The following MTUS2 variants were observed in gnomAD, a reference collection of about 807,000 sequenced individuals.
MTUS2 encodes microtubule-associated tumor suppressor candidate 2.
A neutral mutation model predicts 114.1 loss-of-function variants in MTUS2; 40 were observed. The ratio of observed to expected loss-of-function variants is 0.35; its 90% CI spans 0.27 to 0.46. MTUS2 has a LOEUF of 0.46. Ranked by LOEUF, MTUS2 falls within the 20% of genes least tolerant of loss-of-function variation. The pLI is 1.00. For synonymous variants in MTUS2, 688 were observed against 672.0 expected (o/e 1.02, Z -0.37); for missense variants, 1,679 against 1,705.4 (o/e 0.98, Z 0.27).
intron 8 of MTUS2, among the ~76,000 whole-genome samples, chr13:29,409,674 C>G (rs2138539152): frequency 6.6e-6 from 1 of 152,280 alleles, no homozygotes; most frequent in South Asian, 2.1e-4. Flanking sequence ...TTTCCTTATG[C>G]TCTTTCTTAC....
intron 8 of MTUS2, among the ~76,000 whole-genome samples, chr13:29,401,029 C>G (rs1435941923): frequency 6.6e-6 from 1 of 152,108 alleles, no homozygotes; most frequent in South Asian, 2.1e-4. Context: ...GCTCTGTCAC[C>G]CAGGCTGGAG....
intron 5 of MTUS2, among the ~76,000 whole-genome samples, chr13:29,222,457 G>A (rs568976615): frequency 7.4e-4 from 113 of 152,218 alleles, no homozygotes; most frequent in African/African-American, 2.5e-3. Flanking sequence ...ATTATTCTTC[G>A]AGTTAATAGA....
chr13:29,464,029 G>T (rs530678869), intron 9 of MTUS2, among the ~76,000 whole-genome samples: 1 of 152,158 alleles, frequency 6.6e-6, no homozygotes, highest in Non-Finnish European at 1.5e-5. Context: ...AACGATAGAT[G>T]TTGGCTGGTG....
chr13:28,910,047 T>G (rs960008130), intron 2 of MTUS2, among the ~76,000 whole-genome samples: 6 of 152,192 alleles, frequency 3.9e-5, no homozygotes, highest in African/African-American at 1.4e-4. Context: ...CCAGTTATAC[T>G]CTTTTATTTT....
chr13:29,491,762 ATG>A (rs1308042060), intron 11 of MTUS2, among the ~76,000 whole-genome samples: 6 of 114,940 alleles, frequency 5.2e-5, no homozygotes, highest in Non-Finnish European at 1.1e-4. Flanking sequence ...TGCGTGTGGT[ATG>A]TGTGTGATGT....
intron 2 of MTUS2, among the ~76,000 whole-genome samples, chr13:28,921,790 T>C (rs1329944763): frequency 6.6e-6 from 1 of 152,162 alleles, no homozygotes; most frequent in Non-Finnish European, 1.5e-5. Flanking sequence ...CCAGCATGTC[T>C]TTGCTCTCCA....
intron 2 of MTUS2, among the ~76,000 whole-genome samples, chr13:28,847,864 G>A (rs181811794): frequency 4.6e-5 from 7 of 152,244 alleles, no homozygotes; most frequent in African/African-American, 1.7e-4. Flanking sequence ...CCAACGTTAT[G>A]CAAAGCTCAG....
chr13:28,950,582 C>T (rs992776740), intron 2 of MTUS2, among the ~76,000 whole-genome samples: 3 of 152,058 alleles, frequency 2.0e-5, no homozygotes, highest in Admixed American at 1.3e-4. Flanking sequence ...GGTCTAATTT[C>T]GATATTGTTA....
At chr13:29,123,836 A>G (rs1891409581) in intron 5 of MTUS2, among the ~76,000 whole-genome samples, 1 of 152,220 alleles carries the variant, frequency 6.6e-6, no homozygotes, top group Non-Finnish European at 1.5e-5. Flanking sequence ...TTCTCAGAAC[A>G]TGGTGGTAGT....
intron 5 of MTUS2, among the ~76,000 whole-genome samples, chr13:29,198,534 A>T (rs1053669977): frequency 6.6e-6 from 1 of 151,998 alleles, no homozygotes; most frequent in Non-Finnish European, 1.5e-5. Flanking sequence ...TTTGCTTAGG[A>T]TTGTCTTGGC....
intron 2 of MTUS2, among the ~76,000 whole-genome samples, chr13:29,012,091 G>T (rs530789424): frequency 6.6e-6 from 1 of 152,158 alleles, no homozygotes; most frequent in East Asian, 1.9e-4. Flanking sequence ...GAGGTTTATA[G>T]CCTGCAGTCC....
chr13:29,498,610 TGGTGTTCAGCCA>T, intron 14 of MTUS2, 73 bp downstream of exon 14: 2 of 1,592,954 alleles, frequency 1.3e-6, no homozygotes, highest in Non-Finnish European at 1.7e-6. Context: ...TCATCGTTGA[TGGTGTTCAGCCA>T]GGTGTGTCCC....
intron 2 of MTUS2, among the ~76,000 whole-genome samples, chr13:28,995,339 C>T (rs183772638): frequency 6.6e-6 from 1 of 152,162 alleles, no homozygotes; most frequent in Non-Finnish European, 1.5e-5. Flanking sequence ...AGTGTGATGC[C>T]TCCAGCTTTG....
chr13:29,205,625 G>A (rs1443112446), intron 5 of MTUS2, among the ~76,000 whole-genome samples: 1 of 152,096 alleles, frequency 6.6e-6, no homozygotes, highest in Non-Finnish European at 1.5e-5. Context: ...CATCCTCATA[G>A]CTTAACTCCC....
rs529448824 is a variant in MTUS2, at chr13:28,843,164, G to C, written c.-243+3314G>C. On this transcript the variant is annotated intron_variant, in intron 2 of 15. Transcript: ENST00000612955. ...TCATTAGAGGACACCAGCTGAACAAGGCCAGGGGAATCCTAGAACTAAATT... is the reference window on the plus strand; with the variant it reads ...TCATTAGAGGACACCAGCTGAACAACGCCAGGGGAATCCTAGAACTAAATT... 9.8e-5 allele frequency among the ~76,000 whole-genome samples: 15 copies of C among 152,304 alleles called. No homozygotes were observed. The South Asian group carries it at 3.1e-3, about 32-fold the overall frequency.
chr13:29,418,106 A>AC (rs953262576), intron 8 of MTUS2, among the ~76,000 whole-genome samples: 1 of 152,076 alleles, frequency 6.6e-6, no homozygotes, highest in African/African-American at 2.4e-5. Flanking sequence ...TAACTGGTAA[A>AC]CCACAGCAAT....
rs112111928 is a variant in MTUS2 at position 28,986,620 on chromosome 13, G to C, written c.-242-37837G>C. Reference sequence around the variant, plus strand: ...ATCCTCTAACAGCACCAGGCATCAAGTTTGGCTGAGATCTGTTCCTGTAGA... The same window carrying C: ...ATCCTCTAACAGCACCAGGCATCAACTTTGGCTGAGATCTGTTCCTGTAGA... On this transcript the variant is annotated intron_variant, in intron 2 of 15. Coordinates refer to ENST00000612955, the MANE Select transcript of MTUS2 (RefSeq NM_001033602.4). Among the ~76,000 whole-genome samples, 570 of 152,290 alleles carry C rather than the reference G, an allele frequency of 3.7e-3. 4 individuals are homozygous for C. The highest frequency in any genetic ancestry group is 0.013 in the African/African-American group (545 of 41,552).
chr13:29,479,272 A>G (rs1427363557), intron 9 of MTUS2, among the ~76,000 whole-genome samples: 2 of 152,180 alleles, frequency 1.3e-5, no homozygotes, highest in African/African-American at 4.8e-5. Context: ...TGTGTGTGGA[A>G]TCGGTTCCAT....
At chr13:29,368,628 TA>T (rs1353542064) in intron 8 of MTUS2, among the ~76,000 whole-genome samples, 2 of 146,094 alleles carry the variant, frequency 1.4e-5, no homozygotes, top group South Asian at 2.2e-4. Flanking sequence ...TATGTATCCA[TA>T]AAAAATAATT....
Sources: allele counts gnomAD v4.1 joint callset (sites outside exome capture counted in the v4.1 genomes callset), GRCh38; gene constraint gnomAD v4.1.1; transcripts MANE v1.5; gene names NCBI Gene and HGNC (gene_info 2026-07-23, HGNC 2026-07-21).